The following SETDB1 variants were observed in gnomAD, a reference collection of about 807,000 sequenced individuals.
SETDB1 encodes the protein histone-lysine N-methyltransferase SETDB1.
A neutral mutation model predicts 137.4 loss-of-function variants in SETDB1; 31 were observed. The observed-to-expected ratio is 0.23, with a 90% CI of 0.17 to 0.30. The LOEUF is 0.30. SETDB1 is among the 10% of genes least tolerant of loss of function. The pLI is 1.00. For synonymous variants in SETDB1, 548 were observed against 579.9 expected (o/e 0.95, Z 0.79); for missense variants, 1,113 against 1,631.5 (o/e 0.68, Z 5.47).
chr1:150,953,702 G>C (rs910644450), intron 14 of SETDB1, among the ~76,000 whole-genome samples: 12 of 151,896 alleles, frequency 7.9e-5, no homozygotes, highest in African/African-American at 2.9e-4. Context: ...GATTGTGCAC[G>C]CCTGTAATCT....
intron 12 of SETDB1, among the ~76,000 whole-genome samples, chr1:150,949,946 A>G (rs1670446589): frequency 6.6e-6 from 1 of 152,112 alleles, no homozygotes; most frequent in African/African-American, 2.4e-5. Flanking sequence ...TGAAATAGAG[A>G]TGTTAGGCCG....
chr1:150,936,975 A>G (rs1484397555), intron 3 of SETDB1, among the ~76,000 whole-genome samples: 2 of 152,152 alleles, frequency 1.3e-5, no homozygotes, highest in Non-Finnish European at 1.5e-5. Flanking sequence ...AAATACAAAA[A>G]TTAGCTGGGT....
At chr1:150,959,504 G>C (rs1024258613) in intron 15 of SETDB1, among the ~76,000 whole-genome samples, 157 bp downstream of exon 15, 11 of 152,150 alleles carry the variant, frequency 7.2e-5, no homozygotes, top group African/African-American at 2.7e-4. Context: ...TGATGTACCT[G>C]TCTAGCTAGA....
chr1:150,926,708 G>C (rs1222784000), intron 1 of SETDB1, 191 bp downstream of exon 1: 3 of 531,632 alleles, frequency 5.6e-6, no homozygotes, highest in African/African-American at 3.9e-5. Flanking sequence ...TGGTGTGTGG[G>C]CAGAGGAAAA....
chr1:150,932,366 C>T (rs1454143685), intron 3 of SETDB1, among the ~76,000 whole-genome samples: 1 of 151,918 alleles, frequency 6.6e-6, no homozygotes, highest in Admixed American at 6.6e-5. Flanking sequence ...GAGAAGTGTT[C>T]CCTCCTCTGA....
intron 19 of SETDB1, 27 bp from the exon 20 acceptor site, chr1:150,963,503 C>A: frequency 1.3e-6 from 2 of 1,578,020 alleles, no homozygotes; most frequent in Non-Finnish European, 1.7e-6. Context: ...TGGGATGGGT[C>A]CTGACCCCAT....
At chr1:150,928,212 C>G (rs1193985510) in intron 2 of SETDB1, 1 of 504,500 alleles carries the variant, frequency 2.0e-6, no homozygotes, top group Non-Finnish European at 3.5e-6. Context: ...CATCCGCCAC[C>G]ACACCCAGCT....
intron 10 of SETDB1, among the ~76,000 whole-genome samples, chr1:150,947,729 C>T (rs1230004924): frequency 3.3e-5 from 5 of 151,974 alleles, no homozygotes; most frequent in South Asian, 2.1e-4. Flanking sequence ...TGAGCTAGAT[C>T]GTGCCACTGC....
chr1:150,964,340 T>C lies in SETDB1; in HGVS notation c.3855T>C (p.Ile1285=), dbSNP rs771368895. 9 of 1,613,538 alleles carry C rather than the reference T, an allele frequency of 5.6e-6. No homozygotes were observed. Among genetic ancestry groups the C allele is most frequent in the Admixed American group, 1.7e-5 (1 of 59,990 alleles). ...AGCTACTCTGTTGCTGTGGGGCCAT[T>C]GAATGCAGAGGACGTCTTCTTTAGA... is the stretch of plus-strand genomic sequence containing the variant. ...GKELLCCCGA[I]ECRGRLL The change falls in exon 22 of 22, where the codon ATT becomes ATC. Residue 1285 remains isoleucine (I), a synonymous_variant. Coordinates refer to ENST00000692827, the MANE Select transcript of SETDB1 (RefSeq NM_001366418.1).
intron 9 of SETDB1, among the ~76,000 whole-genome samples, chr1:150,945,479 C>T (rs930754924): frequency 2.0e-5 from 3 of 152,168 alleles, no homozygotes; most frequent in Admixed American, 6.5e-5. Context: ...TCTTTCAAGG[C>T]TCAGTTTAAC....
chr1:150,928,801 G>A (rs957259191), intron 2 of SETDB1, among the ~76,000 whole-genome samples: 7 of 151,354 alleles, frequency 4.6e-5, no homozygotes, highest in Admixed American at 2.6e-4. Context: ...GTGTCCAGGT[G>A]TTCTCATTGT....
chr1:150,941,329 C>G lies in SETDB1; in HGVS notation c.448C>G (p.Leu150Val). The change falls in exon 5 of 22, where the codon CTC (leucine) becomes GTC (valine). Residue 150 changes from leucine to valine, a missense_variant and splice_region_variant. Leu to Val is a conservative substitution (Grantham distance 32, BLOSUM62 1). This residue lies in a region of SETDB1 where 159 missense variants were observed against 188.6 expected (regional missense o/e 0.84). Transcript: ENST00000692827. ...AGSRTPKDQKLREAMAALRKS... is the reference protein window; with the variant it reads ...AGSRTPKDQKVREAMAALRKS... The stretch of plus-strand genomic sequence containing the variant: ...GTTTTCCTCATCCCCTTTTCTACAG[C>G]TCCGTGAAGCTATGGCTGCCTTAAG... The G allele has an allele frequency of 6.2e-7, 1 of 1,602,894 alleles. No homozygotes were observed. Among genetic ancestry groups the G allele is most frequent in the Non-Finnish European group, 8.5e-7 (1 of 1,170,148 alleles).
chr1:150,940,970 G>A (rs1670124431), intron 4 of SETDB1, among the ~76,000 whole-genome samples: 1 of 148,850 alleles, frequency 6.7e-6, no homozygotes, highest in Non-Finnish European at 1.5e-5. Context: ...TGCACTCCAG[G>A]CTGGGCAACA....
At position 150,932,007 on chromosome 1, in the gene SETDB1, A is replaced by G. The variant is rs776121719; in HGVS notation, c.412+1889A>G. On this transcript the variant is annotated intron_variant, in intron 3 of 21. Transcript: ENST00000692827. ...AGTTGTTTTTTTAGATGTTAAACCA[A>G]CCTTGCATTCCTGGAGTAAACCAGC... Among the ~76,000 whole-genome samples the G allele has an allele frequency of 2.6e-5, 4 of 152,034 alleles. No individual in the cohort carries two copies. In the South Asian group the frequency reaches 8.3e-4, roughly 32 times the overall value.
At chr1:150,946,837 T>G in intron 9 of SETDB1, 49 bp from the exon 10 acceptor site, 1 of 1,609,110 alleles carries the variant, frequency 6.2e-7, no homozygotes, top group South Asian at 1.1e-5. Flanking sequence ...ACAGGATAGA[T>G]TCTAGCCTTT....
chr1:150,933,527 C>T (rs1030108579), intron 3 of SETDB1, among the ~76,000 whole-genome samples: 1 of 151,766 alleles, frequency 6.6e-6, no homozygotes, highest in African/African-American at 2.4e-5. Flanking sequence ...CAGGCACGCG[C>T]CATCACACCC....
At chr1:150,931,260 T>TAAAAAAA (rs1272248504) in intron 3 of SETDB1, among the ~76,000 whole-genome samples, 2 of 33,972 alleles carry the variant, frequency 5.9e-5, no homozygotes, top group South Asian at 1.5e-3. Context: ...ACTCTTGTCT[T>TAAAAAAA]CAAAAAAAAA....
Position 150,961,086 on chromosome 1 carries a change from A to AG in SETDB1, c.3029dup (p.Gly1011TrpfsTer13). The AG allele has an allele frequency of 9.9e-7, 1 of 1,012,528 alleles. No homozygotes were observed. Among genetic ancestry groups the AG allele is most frequent in the Non-Finnish European group, 1.5e-6 (1 of 688,288 alleles). 62.7% of individuals were successfully genotyped at this position (1,012,528 alleles called of 1,614,324 possible). A position where few individuals can be genotyped will look rare whatever the true frequency, so the allele number is the denominator to read the frequency against. ...GCCATTCATCCTTCAAGACTAATGA[A>AG]GGTGGGGAGGGCCGGGCTGGGGGAA... On this transcript the variant is annotated frameshift_variant, in exon 16 of 22. Transcript: ENST00000692827. LOFTEE classifies it high-confidence loss of function.
chr1:150,952,157 AAAAAG>A (rs1296050597), intron 14 of SETDB1, among the ~76,000 whole-genome samples: 1 of 152,076 alleles, frequency 6.6e-6, no homozygotes, highest in Non-Finnish European at 1.5e-5. Flanking sequence ...TTAAAAAAAA[AAAAAG>A]AAAAGTTAGA....
Sources: gnomAD v4.1 joint callset for allele counts (sites outside exome capture counted in the v4.1 genomes callset) on GRCh38, gnomAD v4.1.1 for gene constraint, gnomAD v4.1.1 regional missense constraint, MANE v1.5 for transcripts, NCBI Gene and HGNC (gene_info 2026-07-23, HGNC 2026-07-21) for gene names.